Variants in OTOGL observed in about 807,000 individuals in gnomAD.
OTOGL encodes otogelin-like protein.
OTOGL carries 285 observed loss-of-function variants against 318.5 expected under a neutral mutation model. The observed-to-expected ratio is 0.89, with a 90% CI of 0.81 to 0.99. OTOGL has a LOEUF of 0.99. Among genes scored for constraint, OTOGL ranks in the 50% least tolerant of loss-of-function variants. OTOGL has a pLI of 0.00. For missense variants in OTOGL, 2,899 were observed against 2,845.6 expected (o/e 1.02, Z -0.43); for synonymous variants, 987 against 936.5 (o/e 1.05, Z -0.99).
intron 1 of OTOGL, among the ~76,000 whole-genome samples, chr12:80,177,398 C>A (rs1874601186): frequency 6.6e-6 from 1 of 152,140 alleles, no homozygotes; most frequent in South Asian, 2.1e-4. Context: ...TGCCTCAGCA[C>A]CTTTTTTGAA....
intron 16 of OTOGL, 150 bp from the exon 17 acceptor site, chr12:80,256,187 G>T: frequency 1.0e-6 from 1 of 979,024 alleles, no homozygotes; most frequent in Non-Finnish European, 1.4e-6. Context: ...TTATATATTA[G>T]AAATTCTAAT....
rs1887267331 is a variant in OTOGL, at chr12:80,320,591, GT to G, written c.3974del (p.Leu1325TyrfsTer35). On this transcript the variant is annotated frameshift_variant, in exon 34 of 59. Coordinates refer to ENST00000547103, the MANE Select transcript of OTOGL (RefSeq NM_001378609.3). LOFTEE classifies it high-confidence loss of function. ...GGATTCCTGGTTACAGTGCATTTGA[GT>G]TATACAGCAAGAAAGGCTTTTTCAT... ...LWIPGYSAFELYSKKGFFIIF... is the reference protein window; with the variant it reads ...LWIPGYSAFEXYSKKGFFIIF... 1 of 1,613,012 alleles carries G rather than the reference GT, an allele frequency of 6.2e-7. No homozygotes were observed. The highest frequency in any genetic ancestry group is 1.3e-5 in the African/African-American group (1 of 74,992).
At chr12:80,161,477 A>C (rs1048633382) in intron 1 of OTOGL, among the ~76,000 whole-genome samples, 1 of 152,280 alleles carries the variant, frequency 6.6e-6, no homozygotes, top group African/African-American at 2.4e-5. Context: ...GGCTGGCTTG[A>C]TAAGACAAAT....
chr12:80,315,236 A>G (rs1886894231), intron 32 of OTOGL, among the ~76,000 whole-genome samples: 1 of 152,232 alleles, frequency 6.6e-6, no homozygotes, highest in Non-Finnish European at 1.5e-5. Flanking sequence ...GCAGTGACAT[A>G]AGAAATAATG....
At chr12:80,127,393 G>A (rs1220176059) in intron 1 of OTOGL, among the ~76,000 whole-genome samples, 2 of 152,326 alleles carry the variant, frequency 1.3e-5, no homozygotes, top group East Asian at 3.9e-4. Flanking sequence ...GTCTTGTAGA[G>A]TTTCTGCCGA....
At chr12:80,176,701 A>G (rs1025709935) in intron 1 of OTOGL, among the ~76,000 whole-genome samples, 6 of 152,156 alleles carry the variant, frequency 3.9e-5, no homozygotes, top group African/African-American at 1.4e-4. Context: ...TTCTGTAAGC[A>G]TCAATGTATA....
chr12:80,302,683 A>G lies in OTOGL; in HGVS notation c.3113A>G (p.Lys1038Arg). 1.4e-6 allele frequency: 2 copies of G among 1,433,336 alleles called. No homozygotes were observed. The highest frequency in any genetic ancestry group is 5.1e-5 in the East Asian group (2 of 39,590). The allele number at this position is 1,433,336 out of a possible 1,614,324, so 88.8% of individuals were successfully genotyped here. A position where few individuals can be genotyped will look rare whatever the true frequency, so the allele number is the denominator to read the frequency against. The change falls in exon 28 of 59, where the codon AAG (lysine) becomes AGG (arginine). Residue 1038 changes from lysine to arginine, a missense_variant. By Grantham distance (26) the Lys-to-Arg change is conservative. Coordinates refer to ENST00000547103, the MANE Select transcript of OTOGL (RefSeq NM_001378609.3). ...LENKSTYQLWKAGYYIVVYFP... is the reference protein window; with the variant it reads ...LENKSTYQLWRAGYYIVVYFP... ...AACAAATCTACCTACCAGCTTTGGA[A>G]GGCTGGTTACTATATAGTAGTATAC...
chr12:80,267,840 T>C (rs1404760400), intron 22 of OTOGL, among the ~76,000 whole-genome samples: 1 of 152,028 alleles, frequency 6.6e-6, no homozygotes. Context: ...TTTGTACTCA[T>C]AACTGCAGAA....
chr12:80,183,167 A>G (rs1360567599), intron 1 of OTOGL, among the ~76,000 whole-genome samples: 2 of 152,074 alleles, frequency 1.3e-5, no homozygotes, highest in African/African-American at 4.8e-5. Context: ...ATAAACATGT[A>G]TCACTGAACT....
intron 54 of OTOGL, 83 bp downstream of exon 54, chr12:80,367,822 T>G (rs1592765865): frequency 1.1e-6 from 1 of 899,864 alleles, no homozygotes; most frequent in East Asian, 3.1e-5. Context: ...TGGTGAATAC[T>G]CCATTAGTTT....
At chr12:80,267,872 C>T (rs1456797568) in intron 22 of OTOGL, among the ~76,000 whole-genome samples, 1 of 151,460 alleles carries the variant, frequency 6.6e-6, no homozygotes, top group East Asian at 1.9e-4. Flanking sequence ...ATTTAAGTAC[C>T]TCACAGTGAA....
intron 11 of OTOGL, among the ~76,000 whole-genome samples, chr12:80,244,806 C>T (rs1880721605): frequency 6.9e-6 from 1 of 144,820 alleles, no homozygotes; most frequent in Non-Finnish European, 1.5e-5. Context: ...GTTCCTATTT[C>T]TCCACATCCT....
At chr12:80,265,541 A>C in intron 20 of OTOGL, 1 of 299,832 alleles carries the variant, frequency 3.3e-6, no homozygotes, top group South Asian at 3.9e-5. Context: ...GGAACAGATT[A>C]TGTAATACAG....
chr12:80,192,427 C>G (rs922264804), intron 1 of OTOGL, among the ~76,000 whole-genome samples: 1 of 152,218 alleles, frequency 6.6e-6, no homozygotes, highest in Non-Finnish European at 1.5e-5. Flanking sequence ...TTCCTAGCCC[C>G]CTTTCTTTGC....
At chr12:80,339,410 G>A (rs565380743) in intron 43 of OTOGL, 146 bp downstream of exon 43, 164 of 661,156 alleles carry the variant, frequency 2.5e-4, no homozygotes, top group African/African-American at 2.0e-3. Flanking sequence ...ATGTAAATAC[G>A]GAAGGAAGCA....
intron 26 of OTOGL, among the ~76,000 whole-genome samples, chr12:80,293,045 G>A (rs1006556526): frequency 1.3e-5 from 2 of 152,102 alleles, no homozygotes; most frequent in Admixed American, 6.5e-5. Flanking sequence ...ACAGGTAACT[G>A]CAAAATTAGT....
At chr12:80,353,645 A>G in intron 46 of OTOGL, 135 bp downstream of exon 46, 1 of 740,802 alleles carries the variant, frequency 1.3e-6, no homozygotes, top group Non-Finnish European at 1.9e-6. Flanking sequence ...GTTTGTTTGT[A>G]GTTTGATTTT....
Position 80,255,166 on chromosome 12 carries a change from A to T in OTOGL, c.1568A>T (p.Gln523Leu). ...TGKDKFTITLQKAPCEQNLGL... is the reference protein window; with the variant it reads ...TGKDKFTITLLKAPCEQNLGL... ...AAAGATAAATTCACGATTACTTTAC[A>T]GAAAGCTCCCTGTGAGCAGGTAAGA... is the stretch of plus-strand genomic sequence containing the variant. The change falls in exon 16 of 59, where the codon CAG (glutamine) becomes CTG (leucine). Residue 523 changes from glutamine (Q) to leucine (L), a missense_variant. Coordinates refer to ENST00000547103, the MANE Select transcript of OTOGL (RefSeq NM_001378609.3). 2.0e-6 allele frequency: 3 copies of T among 1,517,360 alleles called. No individual in the cohort carries two copies. The highest frequency in any genetic ancestry group is 2.6e-6 in the Non-Finnish European group (3 of 1,137,984). 94.0% of individuals were successfully genotyped at this position (1,517,360 alleles called of 1,614,324 possible).
At chr12:80,212,079 C>T in intron 4 of OTOGL, 82 bp downstream of exon 4, 2 of 1,333,932 alleles carry the variant, frequency 1.5e-6, no homozygotes, top group Non-Finnish European at 2.1e-6. Context: ...AACAATGAGA[C>T]CTTTGTGGAG....
Sources: gnomAD v4.1 joint callset for allele counts (sites outside exome capture counted in the v4.1 genomes callset) on GRCh38, gnomAD v4.1.1 for gene constraint, MANE v1.5 for transcripts, NCBI Gene and HGNC (gene_info 2026-07-23, HGNC 2026-07-21) for gene names.